PLA2G4A: variants seen among roughly 807,000 people sequenced by gnomAD.
The protein encoded by PLA2G4A is cytosolic phospholipase A2.
Under a neutral mutation model 81.9 loss-of-function variants are expected in PLA2G4A, and 40 were observed. The observed-to-expected ratio is 0.49, with a 90% CI of 0.38 to 0.64. The LOEUF (loss-of-function observed/expected upper bound fraction) is 0.64. PLA2G4A is among the 30% of genes least tolerant of loss of function. The pLI is 0.00. For missense variants in PLA2G4A, 715 were observed against 905.1 expected (o/e 0.79, Z 2.69); for synonymous variants, 302 against 296.9 (o/e 1.02, Z -0.18).
At position 186,928,904 on chromosome 1, in the gene PLA2G4A, A is replaced by G. The variant is rs549220454; in HGVS notation, c.559-3859A>G. On this transcript the variant is annotated intron_variant, in intron 7 of 17. Transcript: ENST00000367466. ...AATACTGGTGATATTAGGTCCAAAT[A>G]TAACCCCAGACCTTCTCAGCAGCAC... 2.0e-5 allele frequency among the ~76,000 whole-genome samples: 3 copies of G among 152,330 alleles called. No homozygotes were observed. The East Asian group carries it at 5.8e-4, about 29-fold the overall frequency.
chr1:186,914,178 C>T (rs1655060341), intron 7 of PLA2G4A, among the ~76,000 whole-genome samples: 1 of 152,054 alleles, frequency 6.6e-6, no homozygotes, highest in Non-Finnish European at 1.5e-5. Context: ...CATCATCAAA[C>T]TCCTGGGCTT....
At chr1:186,875,322 A>C (rs2102068200) in intron 3 of PLA2G4A, among the ~76,000 whole-genome samples, 1 of 152,188 alleles carries the variant, frequency 6.6e-6, no homozygotes, top group East Asian at 1.9e-4. Flanking sequence ...TTTATTTTTG[A>C]AATTCTTATA....
intron 2 of PLA2G4A, among the ~76,000 whole-genome samples, chr1:186,854,960 C>T (rs923662077): frequency 6.6e-6 from 1 of 151,878 alleles, no homozygotes; most frequent in Non-Finnish European, 1.5e-5. Context: ...CTGAATTCAA[C>T]ATTTGAGACT....
At chr1:186,968,913 A>G (rs1392950107) in intron 15 of PLA2G4A, among the ~76,000 whole-genome samples, 3 of 150,766 alleles carry the variant, frequency 2.0e-5, no homozygotes, top group Non-Finnish European at 3.0e-5. Flanking sequence ...AAAAAAATTT[A>G]TACAATATGA....
In PLA2G4A at chr1:186,979,286, A is replaced by G. The variant is rs759307680; in HGVS notation, c.1961-29A>G. The G allele has an allele frequency of 5.7e-6, 9 of 1,571,312 alleles. No individual in the cohort carries two copies. The Admixed American group carries it at 1.0e-4, about 17-fold the overall frequency. On this transcript the variant is annotated intron_variant, in intron 16 of 17. Coordinates refer to ENST00000367466, the MANE Select transcript of PLA2G4A (RefSeq NM_024420.3). ...GAGATATTTTGTAGTTTTCAAAATA[A>G]CACCCTTTGTGACTCTTCTGGTATT...
chr1:186,837,718 C>A (rs1227018869), intron 1 of PLA2G4A, among the ~76,000 whole-genome samples: 3 of 105,692 alleles, frequency 2.8e-5, no homozygotes, highest in African/African-American at 4.0e-5. Context: ...GCCTGGGCGA[C>A]AGAGAGAGAC....
intron 3 of PLA2G4A, among the ~76,000 whole-genome samples, chr1:186,883,826 G>A (rs1376187724): frequency 1.3e-5 from 2 of 152,102 alleles, no homozygotes; most frequent in Non-Finnish European, 2.9e-5. Context: ...AGAATGAACC[G>A]ATTAGGGTAA....
In PLA2G4A at chr1:186,870,532, T is replaced by A. The variant is rs368936600; in HGVS notation, c.115+16T>A. 4.5e-6 allele frequency: 7 copies of A among 1,555,642 alleles called. No homozygotes were observed. The highest frequency in any genetic ancestry group is 1.4e-5 in the African/African-American group (1 of 73,680). ...GGTGACATGCGTAAGTGCCCTTTTT[T>A]TCTTTGCTGTTAAACATGTAATTAT... On this transcript the variant is annotated intron_variant, in intron 3 of 17. Transcript: ENST00000367466.
chr1:186,839,462 G>A (rs1651900633), intron 1 of PLA2G4A, among the ~76,000 whole-genome samples: 1 of 152,194 alleles, frequency 6.6e-6, no homozygotes, highest in African/African-American at 2.4e-5. Context: ...GCAAAATGAA[G>A]GGGAGAGTAT....
At chr1:186,875,930 T>C (rs975922971) in intron 3 of PLA2G4A, among the ~76,000 whole-genome samples, 1 of 152,150 alleles carries the variant, frequency 6.6e-6, no homozygotes, top group Non-Finnish European at 1.5e-5. Context: ...CTTTCACACA[T>C]TGTCAGAGAA....
At chr1:186,918,800 T>G (rs1655239512) in intron 7 of PLA2G4A, among the ~76,000 whole-genome samples, 5 of 152,370 alleles carry the variant, frequency 3.3e-5, no homozygotes. Context: ...CTTTGGTACT[T>G]GGTTAATCTA....
At chr1:186,952,188 C>T (rs953289505) in intron 13 of PLA2G4A, among the ~76,000 whole-genome samples, 1 of 152,064 alleles carries the variant, frequency 6.6e-6, no homozygotes, top group African/African-American at 2.4e-5. Flanking sequence ...ACTGAGGAGA[C>T]AGAATAATGG....
At chr1:186,842,837 G>C (rs1652037516) in intron 1 of PLA2G4A, among the ~76,000 whole-genome samples, 1 of 152,194 alleles carries the variant, frequency 6.6e-6, no homozygotes, top group Non-Finnish European at 1.5e-5. Flanking sequence ...GTGATACTTT[G>C]TTATGGCAAC....
chr1:186,965,332 G>A (rs1657092871), intron 14 of PLA2G4A, 77 bp from the exon 15 acceptor site: 1 of 1,162,990 alleles, frequency 8.6e-7, no homozygotes, highest in Admixed American at 1.9e-5. Flanking sequence ...TTTCAAATTT[G>A]AAACCAACAT....
chr1:186,877,883 T>C (rs866908340), intron 3 of PLA2G4A, among the ~76,000 whole-genome samples: 9 of 150,916 alleles, frequency 6.0e-5, no homozygotes, highest in Middle Eastern at 6.8e-3. Context: ...AACAATTTTA[T>C]ACTTCACTTT....
Position 186,939,871 on chromosome 1 carries a change from T to C in PLA2G4A, c.919-109T>C, listed in dbSNP as rs542453291. ...TAATTTCTAGAAGTAATAAGACTTA[T>C]TTTTATTATAAAGTTATAAGATTTT... On this transcript the variant is annotated intron_variant, in intron 9 of 17. Transcript: ENST00000367466. 59 of 669,774 alleles carry C rather than the reference T, an allele frequency of 8.8e-5. No individual in the cohort carries two copies. In the African/African-American group the frequency reaches 9.0e-4, roughly 10 times the overall value. 41.5% of individuals were successfully genotyped at this position (669,774 alleles called of 1,614,324 possible).
chr1:186,841,103 A>T (rs1424611018), intron 1 of PLA2G4A, among the ~76,000 whole-genome samples: 1 of 152,226 alleles, frequency 6.6e-6, no homozygotes, highest in Admixed American at 6.5e-5. Context: ...AATGCACATC[A>T]TATATTTAAC....
intron 17 of PLA2G4A, among the ~76,000 whole-genome samples, chr1:186,980,840 T>C (rs969551000): frequency 3.9e-5 from 6 of 152,198 alleles, no homozygotes; most frequent in African/African-American, 1.4e-4. Context: ...AATTCTTTTT[T>C]TCAGCCTTCA....
chr1:186,979,213 A>G (rs1356879085), intron 16 of PLA2G4A, 102 bp from the exon 17 acceptor site: 5 of 829,104 alleles, frequency 6.0e-6, no homozygotes, highest in Non-Finnish European at 1.0e-5. Flanking sequence ...CTCTGTGGGG[A>G]CTCCCACTGC....
Sources: gnomAD v4.1 joint callset for allele counts (sites outside exome capture counted in the v4.1 genomes callset) on GRCh38, gnomAD v4.1.1 for gene constraint, MANE v1.5 for transcripts, NCBI Gene and HGNC (gene_info 2026-07-23, HGNC 2026-07-21) for gene names.